The following UBE2E2 variants were observed in gnomAD, a reference collection of about 807,000 sequenced individuals.
UBE2E2 encodes ubiquitin-conjugating enzyme E2 E2.
In UBE2E2, 6 loss-of-function variants were observed where a neutral mutation model predicts 24.7. That is an observed-to-expected ratio of 0.24 (90% CI 0.13 to 0.48). UBE2E2 has a LOEUF of 0.48. Among genes scored for constraint, UBE2E2 ranks in the 20% least tolerant of loss-of-function variants. The pLI is 0.99. For synonymous variants in UBE2E2, 104 were observed against 83.6 expected (o/e 1.24, Z -1.33); for missense variants, 169 against 245.0 (o/e 0.69, Z 2.07).
chr3:23,351,132 A>G (rs1695735999), intron 3 of UBE2E2, among the ~76,000 whole-genome samples: 1 of 152,200 alleles, frequency 6.6e-6, no homozygotes, highest in South Asian at 2.1e-4. Context: ...TATCCAGCCA[A>G]ACTAAGCTTC....
At chr3:23,533,615 T>C (rs111786222) in intron 5 of UBE2E2, among the ~76,000 whole-genome samples, 231 of 131,294 alleles carry the variant, frequency 1.8e-3, no homozygotes, top group Middle Eastern at 3.7e-3. Context: ...AGTAGCAAAT[T>C]AGTATTTTTT....
intron 3 of UBE2E2, among the ~76,000 whole-genome samples, chr3:23,387,838 T>G (rs1443096332): frequency 1.3e-5 from 2 of 152,218 alleles, no homozygotes; most frequent in Non-Finnish European, 2.9e-5. Flanking sequence ...TAAAGTGGCT[T>G]GTCAAATTGC....
intron 3 of UBE2E2, among the ~76,000 whole-genome samples, chr3:23,223,195 T>C (rs1696709952): frequency 9.8e-6 from 1 of 101,896 alleles, no homozygotes; most frequent in Non-Finnish European, 2.4e-5. Flanking sequence ...GATTTTTGTA[T>C]TTTTTTTTTT....
rs1275486188 is a variant in UBE2E2, at chr3:23,589,688, C to T, written c.509-46C>T. 1 of 1,597,546 alleles carries T rather than the reference C, an allele frequency of 6.3e-7. No homozygotes were observed. Among genetic ancestry groups the T allele is most frequent in the Middle Eastern group, 1.7e-4 (1 of 6,016 alleles). On this transcript the variant is annotated intron_variant, in intron 5 of 5. Coordinates refer to ENST00000396703, the MANE Select transcript of UBE2E2 (RefSeq NM_152653.4). This position sits in a 1 kb window ranked among gnomAD's most constrained non-coding sequence, Gnocchi z 4.1. ...GCCAGCTTTCTGAACACTTCTTCCC[C>T]CACAGTGCTGGTATTTACTGACTCC...
At chr3:23,541,030 A>G (rs183027270) in intron 5 of UBE2E2, among the ~76,000 whole-genome samples, 9 of 152,372 alleles carry the variant, frequency 5.9e-5, no homozygotes, top group East Asian at 3.9e-4. Flanking sequence ...GGAAATTCCA[A>G]TCTGAAACAG....
intron 3 of UBE2E2, among the ~76,000 whole-genome samples, chr3:23,399,571 T>C (rs1220388835): frequency 1.3e-5 from 2 of 152,220 alleles, no homozygotes; most frequent in Non-Finnish European, 2.9e-5. Context: ...TTGCACTAAA[T>C]TAGTATATGA....
chr3:23,228,404 A>G (rs1270002151), intron 3 of UBE2E2, among the ~76,000 whole-genome samples: 1 of 152,184 alleles, frequency 6.6e-6, no homozygotes, highest in Non-Finnish European at 1.5e-5. Flanking sequence ...CAGATTTATT[A>G]ACTAAGCACT....
At chr3:23,233,276 A>G (rs1000472502) in intron 3 of UBE2E2, among the ~76,000 whole-genome samples, 3 of 152,114 alleles carry the variant, frequency 2.0e-5, no homozygotes, top group Non-Finnish European at 2.9e-5. Flanking sequence ...TTTAAGGTAA[A>G]ATATTTGCAT....
intron 3 of UBE2E2, among the ~76,000 whole-genome samples, chr3:23,277,516 G>C (rs1698398331): frequency 6.6e-6 from 1 of 151,958 alleles, no homozygotes; most frequent in African/African-American, 2.4e-5. Context: ...ACTTTTTCTG[G>C]GATCAACGTA....
chr3:23,496,023 G>C (rs983759202), intron 3 of UBE2E2, among the ~76,000 whole-genome samples: 4 of 151,950 alleles, frequency 2.6e-5, no homozygotes, highest in Non-Finnish European at 4.4e-5. Context: ...CTCATCCCTT[G>C]TTGTTCTCAT....
intron 3 of UBE2E2, among the ~76,000 whole-genome samples, chr3:23,315,652 G>T (rs1234861198): frequency 1.3e-5 from 2 of 152,108 alleles, no homozygotes; most frequent in Non-Finnish European, 2.9e-5. Context: ...TTTTCTGGAT[G>T]GTCTTAGTGC....
chr3:23,585,460 C>T (rs894009240), intron 5 of UBE2E2, among the ~76,000 whole-genome samples: 18 of 151,864 alleles, frequency 1.2e-4, no homozygotes, highest in African/African-American at 4.1e-4. Flanking sequence ...ACTTCCATCT[C>T]TATGATATTC....
chr3:23,277,366 G>T (rs1337732301), intron 3 of UBE2E2, among the ~76,000 whole-genome samples: 2 of 152,066 alleles, frequency 1.3e-5, no homozygotes, highest in African/African-American at 4.8e-5. Flanking sequence ...ATTTTCATTT[G>T]ATAATTTGAT....
chr3:23,591,925 C>CT (rs1321485018), downstream of UBE2E2: 2 of 152,062 alleles, frequency 1.3e-5, no homozygotes, highest in Admixed American at 6.5e-5. Context: ...TATTAAACTG[C>CT]TTTTTTCCCC....
intron 3 of UBE2E2, among the ~76,000 whole-genome samples, chr3:23,492,207 C>T (rs1699514874): frequency 6.6e-6 from 1 of 152,190 alleles, no homozygotes; most frequent in Non-Finnish European, 1.5e-5. Context: ...AGCTCAATAT[C>T]CCTGCAGCTA....
chr3:23,350,735 G>A lies in UBE2E2; in HGVS notation c.227+133423G>A, dbSNP rs199718886. Among the ~76,000 whole-genome samples, 11 of 152,330 alleles carry A rather than the reference G, an allele frequency of 7.2e-5. No individual in the cohort carries two copies. The East Asian group carries it at 2.1e-3, about 29-fold the overall frequency. The stretch of plus-strand genomic sequence containing the variant: ...AAGCCTCCAAGAAATATGGGACTAT[G>A]TGAAAAGACCAAATCTACGTCTGAT... On this transcript the variant is annotated intron_variant, in intron 3 of 5. Coordinates refer to ENST00000396703, the MANE Select transcript of UBE2E2 (RefSeq NM_152653.4).
chr3:23,287,142 G>T (rs990269583), intron 3 of UBE2E2, among the ~76,000 whole-genome samples: 3 of 152,058 alleles, frequency 2.0e-5, no homozygotes, highest in African/African-American at 7.2e-5. Context: ...ATCATGAAGG[G>T]ATGTTGAATT....
chr3:23,226,632 G>C (rs1270365063), intron 3 of UBE2E2, among the ~76,000 whole-genome samples: 2 of 152,188 alleles, frequency 1.3e-5, no homozygotes, highest in South Asian at 2.1e-4. Flanking sequence ...CTTTACGTAA[G>C]AGAATGAATG....
chr3:23,468,414 C>CA (rs1282444844), intron 3 of UBE2E2, among the ~76,000 whole-genome samples: 1 of 151,910 alleles, frequency 6.6e-6, no homozygotes, highest in Non-Finnish European at 1.5e-5. Flanking sequence ...GTGCCAGAAA[C>CA]AAAAAAGATG....
Sources: allele counts gnomAD v4.1 joint callset (sites outside exome capture counted in the v4.1 genomes callset), GRCh38; gene constraint gnomAD v4.1.1; non-coding constraint Gnocchi (gnomAD v3.1); transcripts MANE v1.5; gene names NCBI Gene and HGNC (gene_info 2026-07-23, HGNC 2026-07-21).